The following ADARB2 variants were observed in gnomAD, a reference collection of about 807,000 sequenced individuals.
ADARB2 encodes the protein inactive double-stranded RNA-specific editase B2.
A neutral mutation model predicts 62.2 loss-of-function variants in ADARB2; 25 were observed. The observed-to-expected ratio is 0.40, with a 90% CI of 0.29 to 0.56. ADARB2 has a LOEUF of 0.56. Among genes scored for constraint, ADARB2 ranks in the 20% least tolerant of loss-of-function variants. The probability of loss-of-function intolerance (pLI) is 0.43; values close to 1 mark genes in which losing one functional copy is unlikely to be tolerated. For missense variants in ADARB2, 1,071 were observed against 1,077.4 expected (o/e 0.99, Z 0.08); for synonymous variants, 572 against 500.8 (o/e 1.14, Z -1.90).
intron 6 of ADARB2, among the ~76,000 whole-genome samples, chr10:1,221,304 A>G (rs987026231): frequency 1.3e-5 from 2 of 152,106 alleles, no homozygotes; most frequent in African/African-American, 4.8e-5. Flanking sequence ...CAGACTCTTC[A>G]TTACAGTGCT....
intron 1 of ADARB2, among the ~76,000 whole-genome samples, chr10:1,443,857 A>G (rs775837026): frequency 6.6e-6 from 1 of 152,232 alleles, no homozygotes; most frequent in South Asian, 2.1e-4. Flanking sequence ...GAAAAAAAGG[A>G]AGGTAAAGAA....
At chr10:1,478,266 T>C (rs577728925) in intron 1 of ADARB2, among the ~76,000 whole-genome samples, 1 of 152,198 alleles carries the variant, frequency 6.6e-6, no homozygotes. Context: ...ATGGAAGCCC[T>C]GGGAACAGCG....
At chr10:1,413,132 CG>C (rs148425441) in intron 1 of ADARB2, among the ~76,000 whole-genome samples, 2,858 of 152,284 alleles carry the variant, frequency 0.019, 37 homozygotes, top group Middle Eastern at 0.044. Flanking sequence ...AGGCAGGAGA[CG>C]GGTGTTAGAA....
rs576670388 is a variant in ADARB2 at position 1,606,954 on chromosome 10, C to T, written c.100+130097G>A. ...ATGTGGGGCAAATAGACCAGTAATT[C>T]AGGCAAAGAATGAAGAATTCCACCA... On this transcript the variant is annotated intron_variant, in intron 1 of 9. Coordinates refer to ENST00000381312, the MANE Select transcript of ADARB2 (RefSeq NM_018702.4). Among the ~76,000 whole-genome samples, 7 of 152,288 alleles carry T rather than the reference C, an allele frequency of 4.6e-5. 1 individual carries two copies. In the South Asian group the frequency reaches 1.5e-3, roughly 32 times the overall value.
intron 3 of ADARB2, among the ~76,000 whole-genome samples, chr10:1,321,454 C>T (rs1434446059): frequency 6.6e-6 from 1 of 152,142 alleles, no homozygotes; most frequent in Non-Finnish European, 1.5e-5. Context: ...GATCCTAGCT[C>T]ACAGCAGCTT....
rs1249157825 is a variant in ADARB2 at position 1,590,002 on chromosome 10, CTGTGGG to C, written c.100+147043_100+147048del. Reference sequence around the variant, plus strand: ...GCTCCTCTGGGAGCCAGGCTGTGAGCTGTGGGCTGGCCTTGCTGGATTTGGGGAATG... The same window carrying C: ...GCTCCTCTGGGAGCCAGGCTGTGAGCCTGGCCTTGCTGGATTTGGGGAATG... On this transcript the variant is annotated intron_variant, in intron 1 of 9. Coordinates refer to ENST00000381312, the MANE Select transcript of ADARB2 (RefSeq NM_018702.4). Among the ~76,000 whole-genome samples the C allele has an allele frequency of 1.4e-4, 22 of 152,364 alleles. 1 individual carries two copies. Among genetic ancestry groups the C allele is most frequent in the African/African-American group, 5.3e-4 (22 of 41,590 alleles).
At chr10:1,590,258 A>C (rs578053447) in intron 1 of ADARB2, among the ~76,000 whole-genome samples, 122 of 152,356 alleles carry the variant, frequency 8.0e-4, no homozygotes, top group African/African-American at 2.9e-3. Flanking sequence ...TAGGAGCCTC[A>C]GATTGCTTGG....
At chr10:1,209,664 C>T (rs1297457188) in intron 7 of ADARB2, among the ~76,000 whole-genome samples, 1 of 151,776 alleles carries the variant, frequency 6.6e-6, no homozygotes, top group African/African-American at 2.4e-5. Context: ...TGCACCGTCA[C>T]CCACACTCAC....
intron 1 of ADARB2, among the ~76,000 whole-genome samples, chr10:1,435,774 G>A (rs781225839): frequency 6.6e-6 from 1 of 152,200 alleles, no homozygotes; most frequent in Non-Finnish European, 1.5e-5. Context: ...AGCAGGCAAC[G>A]TGAGGCTGGA....
At chr10:1,275,901 TA>T (rs1342909756) in intron 3 of ADARB2, among the ~76,000 whole-genome samples, 1 of 152,116 alleles carries the variant, frequency 6.6e-6, no homozygotes, top group Non-Finnish European at 1.5e-5. Context: ...TAATCCAGTC[TA>T]TCATTGTTGG....
At position 1,196,206 on chromosome 10, in the gene ADARB2, CTTTT is replaced by C. The variant is rs10665720; in HGVS notation, c.1864+3756_1864+3759del. On this transcript the variant is annotated intron_variant, in intron 8 of 9. Transcript: ENST00000381312. ...GGTCACTTTTTAATCCTTCTTTTGC[CTTTT>C]TTTTTTTTTTTTTTTGACAAAGCAC... Among the ~76,000 whole-genome samples the C allele has an allele frequency of 9.5e-3, 1,150 of 120,888 alleles. 6 individuals carry two copies. Among genetic ancestry groups the C allele is most frequent in the Non-Finnish European group, 0.013 (769 of 59,306 alleles). 79.3% of individuals were successfully genotyped at this position (120,888 alleles called of 152,430 possible). A position where few individuals can be genotyped will look rare whatever the true frequency, so the allele number is the denominator to read the frequency against.
At chr10:1,670,357 A>G (rs576366077) in intron 1 of ADARB2, among the ~76,000 whole-genome samples, 129 of 152,362 alleles carry the variant, frequency 8.5e-4, no homozygotes, top group African/African-American at 3.1e-3. Context: ...TCCTTAGAGG[A>G]CTGAACCCAG....
rs368286126 is a variant in ADARB2, at chr10:1,596,441, G to A, written c.100+140610C>T. On this transcript the variant is annotated intron_variant, in intron 1 of 9. Transcript: ENST00000381312. ...TTTAATAACACTGATAATGACCATCGGCAGCTAGGAGAATAAAGTCCGGCA... is the reference window on the plus strand; with the variant it reads ...TTTAATAACACTGATAATGACCATCAGCAGCTAGGAGAATAAAGTCCGGCA... 9.9e-5 allele frequency among the ~76,000 whole-genome samples: 15 copies of A among 152,238 alleles called. 1 individual carries two copies. The highest frequency in any genetic ancestry group is 3.4e-4 in the African/African-American group (14 of 41,532).
chr10:1,281,814 T>G (rs1405568714), intron 3 of ADARB2, among the ~76,000 whole-genome samples: 1 of 152,236 alleles, frequency 6.6e-6, no homozygotes, highest in Non-Finnish European at 1.5e-5. Flanking sequence ...ATAATCCTTT[T>G]TTCTTTATTC....
At chr10:1,384,557 G>T (rs899776613) in intron 1 of ADARB2, among the ~76,000 whole-genome samples, 1 of 152,190 alleles carries the variant, frequency 6.6e-6, no homozygotes, top group African/African-American at 2.4e-5. Flanking sequence ...CAAAGTCTAT[G>T]AAACAACCGT....
intron 3 of ADARB2, among the ~76,000 whole-genome samples, chr10:1,340,842 C>T (rs1358058870): frequency 3.3e-5 from 4 of 121,762 alleles, no homozygotes; most frequent in African/African-American, 6.3e-5. Flanking sequence ...GAGAACCACA[C>T]ACCCCACAGT....
intron 8 of ADARB2, among the ~76,000 whole-genome samples, chr10:1,199,036 A>C (rs1463587872): frequency 6.6e-6 from 1 of 152,262 alleles, no homozygotes. Context: ...CCACTTGGCA[A>C]ACAGGTGAAA....
At chr10:1,498,780 T>C (rs1831723964) in intron 1 of ADARB2, among the ~76,000 whole-genome samples, 1 of 152,208 alleles carries the variant, frequency 6.6e-6, no homozygotes, top group African/African-American at 2.4e-5. Context: ...TGTTTAGAAA[T>C]ACATCACTGA....
At chr10:1,736,428 C>T (rs1389204230) in intron 1 of ADARB2, among the ~76,000 whole-genome samples, 1 of 152,150 alleles carries the variant, frequency 6.6e-6, no homozygotes, top group Non-Finnish European at 1.5e-5. Flanking sequence ...TCCTGGTTTG[C>T]GGTTTTTTTC....
Sources: allele counts gnomAD v4.1 joint callset (sites outside exome capture counted in the v4.1 genomes callset), GRCh38; gene constraint gnomAD v4.1.1; transcripts MANE v1.5; gene names NCBI Gene and HGNC (gene_info 2026-07-23, HGNC 2026-07-21).